NAALADL2: variants seen among roughly 807,000 people sequenced by gnomAD.
NAALADL2 encodes N-acetylated alpha-linked acidic dipeptidase like 2.
In NAALADL2, 76 loss-of-function variants were observed where a neutral mutation model predicts 87.2. The observed-to-expected ratio is 0.87, with a 90% confidence interval of 0.72 to 1.05. The LOEUF (loss-of-function observed/expected upper bound fraction) is 1.05. Among genes scored for constraint, NAALADL2 ranks in the 50% least tolerant of loss-of-function variants. NAALADL2 has a pLI of 0.00. For synonymous variants in NAALADL2, 354 were observed against 331.0 expected, an observed-to-expected ratio of 1.07 and a Z score of -0.75; for missense variants, 1,089 against 945.8, an observed-to-expected ratio of 1.15 and a Z score of -1.99.
At chr3:175,372,666 G>T (rs1766655178) in intron 5 of NAALADL2, among the ~76,000 whole-genome samples, 1 of 152,164 alleles carries the variant, frequency 6.6e-6, no homozygotes, top group Non-Finnish European at 1.5e-5. Flanking sequence ...ACTAAAATGG[G>T]ATTTGATGAA....
At chr3:174,831,518 T>C (rs2109371482) in intron 3 of NAALADL2, among the ~76,000 whole-genome samples, 1 of 146,730 alleles carries the variant, frequency 6.8e-6, no homozygotes, top group South Asian at 2.1e-4. Flanking sequence ...GCCAGTATTT[T>C]ATTGAGGATT....
intron 9 of NAALADL2, chr3:175,487,674 T>A (rs1421820628): frequency 5.8e-6 from 2 of 346,974 alleles, no homozygotes; most frequent in Non-Finnish European, 1.1e-5. Context: ...CACATATCAT[T>A]ATAAGTTTTC....
At chr3:175,283,210 C>T (rs1754538784) in intron 4 of NAALADL2, among the ~76,000 whole-genome samples, 1 of 152,068 alleles carries the variant, frequency 6.6e-6, no homozygotes, top group Non-Finnish European at 1.5e-5. Context: ...ATACTAAAGA[C>T]TGCACGGTCA....
At chr3:175,048,488 G>T (rs1754956702) in intron 1 of NAALADL2, among the ~76,000 whole-genome samples, 2 of 150,762 alleles carry the variant, frequency 1.3e-5, no homozygotes, top group African/African-American at 4.9e-5. Context: ...ATTGAAAGTA[G>T]AGATTTAACT....
At chr3:174,733,277 A>G (rs1732880809) in intron 2 of NAALADL2, among the ~76,000 whole-genome samples, 1 of 152,250 alleles carries the variant, frequency 6.6e-6, no homozygotes, top group Non-Finnish European at 1.5e-5. Flanking sequence ...CTGAGGAAAA[A>G]AATCACATCT....
At chr3:174,814,562 T>A (rs1192759984) in intron 3 of NAALADL2, among the ~76,000 whole-genome samples, 1 of 152,144 alleles carries the variant, frequency 6.6e-6, no homozygotes, top group Non-Finnish European at 1.5e-5. Context: ...TGTGTGTGAT[T>A]TTTAAGGTAT....
At chr3:175,690,498 C>T (rs1266541392) in intron 11 of NAALADL2, among the ~76,000 whole-genome samples, 3 of 152,016 alleles carry the variant, frequency 2.0e-5, no homozygotes, top group East Asian at 1.9e-4. Context: ...TGTTTCATCT[C>T]AGTCATTCAG....
At chr3:175,556,999 C>T (rs1715379571) in intron 9 of NAALADL2, among the ~76,000 whole-genome samples, 1 of 152,188 alleles carries the variant, frequency 6.6e-6, no homozygotes, top group Non-Finnish European at 1.5e-5. Flanking sequence ...TTTACACCAG[C>T]TCATTGTCAG....
intron 1 of NAALADL2, among the ~76,000 whole-genome samples, chr3:174,882,437 G>A (rs754524543): frequency 1.2e-4 from 17 of 144,324 alleles, no homozygotes; most frequent in Non-Finnish European, 2.2e-4. Flanking sequence ...GTGTGTGTGT[G>A]TATATATGTG....
intron 4 of NAALADL2, among the ~76,000 whole-genome samples, chr3:175,293,553 T>C (rs1755928481): frequency 1.3e-5 from 2 of 152,160 alleles, no homozygotes; most frequent in South Asian, 4.1e-4. Flanking sequence ...ATTCCAACAT[T>C]GAAATGCTAA....
chr3:174,533,253 GC>G (rs1721413713), intron 1 of NAALADL2, among the ~76,000 whole-genome samples: 1 of 151,788 alleles, frequency 6.6e-6, no homozygotes, highest in Non-Finnish European at 1.5e-5. Flanking sequence ...ATGGCGACTG[GC>G]CAAGGAGGCA....
intron 5 of NAALADL2, among the ~76,000 whole-genome samples, chr3:175,423,177 T>A (rs1295426984): frequency 5.5e-4 from 71 of 129,402 alleles, no homozygotes; most frequent in Non-Finnish European, 9.3e-4. Flanking sequence ...GAGGGGGGGG[T>A]CTCTTCTTTT....
At chr3:175,211,546 AC>A (rs1264151372) in intron 2 of NAALADL2, among the ~76,000 whole-genome samples, 1 of 151,942 alleles carries the variant, frequency 6.6e-6, no homozygotes, top group Non-Finnish European at 1.5e-5. Flanking sequence ...TTTACTTATA[AC>A]AAAATGATAT....
intron 1 of NAALADL2, among the ~76,000 whole-genome samples, chr3:174,488,254 G>T (rs529702166): frequency 1.4e-4 from 22 of 152,090 alleles, no homozygotes; most frequent in African/African-American, 4.6e-4. Flanking sequence ...CACATAATTT[G>T]AAGTCAGCTT....
intron 1 of NAALADL2, among the ~76,000 whole-genome samples, chr3:174,915,529 T>G (rs1427944305): frequency 6.6e-6 from 1 of 152,160 alleles, no homozygotes; most frequent in Non-Finnish European, 1.5e-5. Context: ...ACTCATTCTA[T>G]TGATGGATAT....
At chr3:175,152,699 A>G (rs1401790747) in intron 2 of NAALADL2, among the ~76,000 whole-genome samples, 1 of 152,136 alleles carries the variant, frequency 6.6e-6, no homozygotes, top group Non-Finnish European at 1.5e-5. Flanking sequence ...TGAGGTCAGG[A>G]GTTCGAGACC....
Position 174,833,120 on chromosome 3 carries a change from C to G in NAALADL2, c.-9+95374C>G, listed in dbSNP as rs75200040. 9.6e-3 allele frequency among the ~76,000 whole-genome samples: 1,454 copies of G among 152,042 alleles called. 18 individuals are homozygous for G. Among genetic ancestry groups the G allele is most frequent in the African/African-American group, 0.033 (1,353 of 41,476 alleles). On this transcript the variant is annotated intron_variant, in intron 3 of 3. Coordinates refer to the NAALADL2 transcript ENST00000434257. Reference sequence around the variant, plus strand: ...TTAATTTTAAAAGTTAATACTGTTTCTGAGAATAAAATCATTTGTTATATA... The same window carrying G: ...TTAATTTTAAAAGTTAATACTGTTTGTGAGAATAAAATCATTTGTTATATA...
intron 3 of NAALADL2, among the ~76,000 whole-genome samples, chr3:174,757,180 A>G (rs1712212191): frequency 6.6e-6 from 1 of 152,180 alleles, no homozygotes; most frequent in Non-Finnish European, 1.5e-5. Flanking sequence ...TAGTCCCAAT[A>G]TTTGAAGATC....
At chr3:174,718,536 C>A (rs1229776124) in intron 2 of NAALADL2, among the ~76,000 whole-genome samples, 1 of 152,248 alleles carries the variant, frequency 6.6e-6, no homozygotes, top group East Asian at 1.9e-4. Flanking sequence ...GGATGAGAAA[C>A]CATCTTCCAA....
Sources: gnomAD v4.1 joint callset for allele counts (sites outside exome capture counted in the v4.1 genomes callset) on GRCh38, gnomAD v4.1.1 for gene constraint, MANE v1.5 for transcripts, NCBI Gene and HGNC (gene_info 2026-07-23, HGNC 2026-07-21) for gene names.